DIS3L2: variants seen among roughly 807,000 people sequenced by gnomAD.
DIS3L2 encodes DIS3 like 3'-5' exoribonuclease 2.
In DIS3L2, 34 loss-of-function variants were observed where a neutral mutation model predicts 97.5. The observed-to-expected ratio is 0.35, with a 90% CI of 0.27 to 0.46. The LOEUF (loss-of-function observed/expected upper bound fraction) is 0.46. Ranked by LOEUF, DIS3L2 falls within the 20% of genes least tolerant of loss-of-function variation. The pLI is 1.00. For synonymous variants in DIS3L2, 435 were observed against 445.2 expected, an observed-to-expected ratio of 0.98 and a Z score of 0.29; for missense variants, 1,038 against 1,146.0, an observed-to-expected ratio of 0.91 and a Z score of 1.36.
intron 5 of DIS3L2, among the ~76,000 whole-genome samples, chr2:232,056,698 A>G (rs1479884140): frequency 1.3e-5 from 2 of 152,268 alleles, no homozygotes; most frequent in African/African-American, 2.4e-5. Flanking sequence ...ATCAGTTATC[A>G]GGGAAACACA....
chr2:232,249,144 T>G (rs1361773582), intron 11 of DIS3L2, 95 bp from the exon 12 acceptor site: 3 of 1,191,346 alleles, frequency 2.5e-6, no homozygotes, highest in Admixed American at 4.0e-5. Flanking sequence ...CAGCTTGCTC[T>G]GGAAAAGCTG....
intron 1 of DIS3L2, among the ~76,000 whole-genome samples, chr2:232,000,624 TTTCC>T (rs1693856388): frequency 1.0e-5 from 1 of 96,534 alleles, no homozygotes; most frequent in African/African-American, 3.0e-5. Context: ...TTTCCTTTCC[TTTCC>T]TTTCCTTTCC....
intron 5 of DIS3L2, among the ~76,000 whole-genome samples, chr2:232,046,510 A>G (rs1352177448): frequency 6.6e-6 from 1 of 152,220 alleles, no homozygotes; most frequent in African/African-American, 2.4e-5. Flanking sequence ...GGAGGAACAT[A>G]TATATGACAT....
intron 9 of DIS3L2, among the ~76,000 whole-genome samples, chr2:232,168,359 A>T (rs1690885951): frequency 6.6e-6 from 1 of 152,202 alleles, no homozygotes; most frequent in Non-Finnish European, 1.5e-5. Flanking sequence ...TTGAAATTAT[A>T]ATGTGGCTGG....
At chr2:232,282,502 A>G (rs1278817324) in intron 13 of DIS3L2, among the ~76,000 whole-genome samples, 1 of 152,230 alleles carries the variant, frequency 6.6e-6, no homozygotes, top group Non-Finnish European at 1.5e-5. Context: ...TCAAAGGCTC[A>G]AAGTCGAGTG....
intron 1 of DIS3L2, among the ~76,000 whole-genome samples, chr2:232,008,610 A>G (rs1224409971): frequency 6.6e-6 from 1 of 152,212 alleles, no homozygotes; most frequent in African/African-American, 2.4e-5. Flanking sequence ...TAGGGTTAGT[A>G]CAAGTGGGTC....
intron 9 of DIS3L2, among the ~76,000 whole-genome samples, 156 bp downstream of exon 9, chr2:232,163,788 C>G (rs1313638069): frequency 6.6e-6 from 1 of 152,204 alleles, no homozygotes. Flanking sequence ...TTATGGCCCA[C>G]AGGCTAAATC....
At chr2:231,982,436 C>T (rs906929401) in intron 1 of DIS3L2, among the ~76,000 whole-genome samples, 9 of 152,104 alleles carry the variant, frequency 5.9e-5, no homozygotes, top group South Asian at 4.1e-4. Flanking sequence ...TCAATACTTA[C>T]GTATTTCATC....
At chr2:232,033,216 T>C (rs1325466546) in intron 5 of DIS3L2, among the ~76,000 whole-genome samples, 4 of 152,222 alleles carry the variant, frequency 2.6e-5, no homozygotes, top group Non-Finnish European at 5.9e-5. Flanking sequence ...GTTGTATTCG[T>C]AGGTACTTTA....
At chr2:232,059,974 C>A (rs1457648224) in intron 5 of DIS3L2, among the ~76,000 whole-genome samples, 1 of 152,012 alleles carries the variant, frequency 6.6e-6, no homozygotes, top group Non-Finnish European at 1.5e-5. Flanking sequence ...TCTGGTAGAA[C>A]AATTTATTTT....
intron 5 of DIS3L2, among the ~76,000 whole-genome samples, chr2:232,083,974 G>A (rs1258890784): frequency 6.6e-6 from 1 of 152,170 alleles, no homozygotes; most frequent in Non-Finnish European, 1.5e-5. Flanking sequence ...ATACACCTGT[G>A]CCTTCTGCCT....
chr2:232,047,631 T>C (rs772203435), intron 5 of DIS3L2, among the ~76,000 whole-genome samples: 1 of 152,208 alleles, frequency 6.6e-6, no homozygotes, highest in Non-Finnish European at 1.5e-5. Context: ...TTTTAGTATA[T>C]TTACAATGTT....
At chr2:232,029,040 T>C (rs1694735383) in intron 4 of DIS3L2, among the ~76,000 whole-genome samples, 1 of 152,188 alleles carries the variant, frequency 6.6e-6, no homozygotes, top group African/African-American at 2.4e-5. Context: ...ATTTTAACTT[T>C]AACCAAAATT....
intron 5 of DIS3L2, among the ~76,000 whole-genome samples, chr2:232,051,589 G>A (rs1440932172): frequency 6.6e-6 from 1 of 151,750 alleles, no homozygotes; most frequent in African/African-American, 2.4e-5. Context: ...GAGGCGGGCG[G>A]ATCACGAGGT....
At chr2:232,054,747 A>G (rs1372668803) in intron 5 of DIS3L2, among the ~76,000 whole-genome samples, 2 of 152,222 alleles carry the variant, frequency 1.3e-5, no homozygotes, top group African/African-American at 2.4e-5. Flanking sequence ...GAACAGAAAA[A>G]TGTTTTTTGA....
intron 5 of DIS3L2, among the ~76,000 whole-genome samples, chr2:232,030,781 T>G (rs1198169329): frequency 6.6e-6 from 1 of 152,194 alleles, no homozygotes; most frequent in African/African-American, 2.4e-5. Flanking sequence ...GAATTTGTCT[T>G]CATATCATTT....
chr2:232,254,174 A>G (rs973425043), intron 12 of DIS3L2, among the ~76,000 whole-genome samples: 2 of 152,168 alleles, frequency 1.3e-5, no homozygotes, highest in African/African-American at 2.4e-5. Flanking sequence ...CCTTTCTCCC[A>G]TAGATTTTCC....
chr2:232,040,916 T>C (rs768226566), intron 5 of DIS3L2, among the ~76,000 whole-genome samples: 18 of 152,354 alleles, frequency 1.2e-4, no homozygotes, highest in South Asian at 6.2e-4. Flanking sequence ...TATACAGATA[T>C]TGTCAGTGTC....
chr2:231,992,581 C>T (rs1469591155), intron 1 of DIS3L2, among the ~76,000 whole-genome samples: 1 of 151,886 alleles, frequency 6.6e-6, no homozygotes, highest in Admixed American at 6.6e-5. Context: ...ATCCCCCCAG[C>T]CCATTCATTT....
Sources: allele counts gnomAD v4.1 joint callset (sites outside exome capture counted in the v4.1 genomes callset), GRCh38; gene constraint gnomAD v4.1.1; transcripts MANE v1.5; gene names NCBI Gene and HGNC (gene_info 2026-07-23, HGNC 2026-07-21).